ACTN4: variants seen among roughly 807,000 people sequenced by gnomAD.
ACTN4 encodes alpha-actinin-4.
A neutral mutation model predicts 114.2 loss-of-function variants in ACTN4; 18 were observed. That is an observed-to-expected ratio of 0.16 (90% CI 0.11 to 0.23). The LOEUF is 0.23. Among genes scored for constraint, ACTN4 ranks in the 10% least tolerant of loss-of-function variants. The pLI is 1.00. For synonymous variants in ACTN4, 515 were observed against 506.3 expected (o/e 1.02, Z -0.23); for missense variants, 722 against 1,262.9 (o/e 0.57, Z 6.49).
chr19:38,684,361 T>C lies in ACTN4; in HGVS notation c.163-16239T>C, dbSNP rs576657065. Among the ~76,000 whole-genome samples, 5 of 152,218 alleles carry C rather than the reference T, an allele frequency of 3.3e-5. No individual in the cohort carries two copies. The South Asian group carries it at 8.3e-4, about 25-fold the overall frequency. Reference sequence around the variant, plus strand: ...CCTCGGTCCTCTTCCCATGGTGTAGTGAGAGCACTCAGGACCACCTAGGCC... The same window carrying C: ...CCTCGGTCCTCTTCCCATGGTGTAGCGAGAGCACTCAGGACCACCTAGGCC... On this transcript the variant is annotated intron_variant, in intron 1 of 20. Transcript: ENST00000252699.
rs1235562832 is a variant in ACTN4 at position 38,730,820 on chromosome 19, C to T, written c.*1388C>T. 5.2e-6 allele frequency: 8 copies of T among 1,550,216 alleles called. No individual in the cohort carries two copies. The highest frequency in any genetic ancestry group is 2.4e-5 in the South Asian group (2 of 84,074). Reference sequence around the variant, plus strand: ...GAGGTGGTCTTGCTCAGCAACCCTGCCCTGAGCAGCAGGTGCGCCCATCCG... The same window carrying T: ...GAGGTGGTCTTGCTCAGCAACCCTGTCCTGAGCAGCAGGTGCGCCCATCCG... On this transcript the variant is annotated 3_prime_UTR_variant, in exon 21 of 21. Coordinates refer to ENST00000252699, the MANE Select transcript of ACTN4 (RefSeq NM_004924.6).
chr19:38,677,097 C>T (rs942522137), intron 1 of ACTN4, among the ~76,000 whole-genome samples: 4 of 152,120 alleles, frequency 2.6e-5, no homozygotes, highest in South Asian at 4.1e-4. Flanking sequence ...CGCCTCAGCT[C>T]GCCACCTACC....
intron 17 of ACTN4, 122 bp from the exon 18 acceptor site, chr19:38,726,835 G>A (rs1969248462): frequency 9.9e-6 from 14 of 1,407,818 alleles, no homozygotes; most frequent in African/African-American, 1.4e-5. Flanking sequence ...CCCCTGTGAG[G>A]TGTACAGGAG....
At chr19:38,667,830 T>C (rs533719168) in intron 1 of ACTN4, among the ~76,000 whole-genome samples, 1 of 152,342 alleles carries the variant, frequency 6.6e-6, no homozygotes, top group South Asian at 2.1e-4. Context: ...GGACAAGGTT[T>C]GTATCTTGTC....
intron 1 of ACTN4, among the ~76,000 whole-genome samples, chr19:38,660,605 A>G (rs1346065909): frequency 6.6e-6 from 1 of 152,104 alleles, no homozygotes; most frequent in East Asian, 1.9e-4. Context: ...CTTGTTGGTC[A>G]GGCTGGCCTT....
At chr19:38,707,677 C>A (rs931115270) in intron 5 of ACTN4, among the ~76,000 whole-genome samples, 34 of 152,200 alleles carry the variant, frequency 2.2e-4, no homozygotes, top group Admixed American at 1.6e-3. Context: ...CCACACAGCA[C>A]AAACACCAGC....
At chr19:38,708,878 C>T (rs1416496569) in intron 6 of ACTN4, among the ~76,000 whole-genome samples, 1 of 152,172 alleles carries the variant, frequency 6.6e-6, no homozygotes, top group Non-Finnish European at 1.5e-5. Flanking sequence ...CCGTTCCAGC[C>T]ACAGTGAGCA....
chr19:38,705,850 C>T (rs1968441761), intron 4 of ACTN4, among the ~76,000 whole-genome samples, 194 bp from the exon 5 acceptor site: 1 of 152,230 alleles, frequency 6.6e-6, no homozygotes. Context: ...GCAGTTGGGC[C>T]TGGCAGCATC....
chr19:38,723,556 C>A (rs1487918567), intron 12 of ACTN4, 58 bp from the exon 13 acceptor site: 1 of 1,324,550 alleles, frequency 7.5e-7, no homozygotes, highest in Non-Finnish European at 1.1e-6. Flanking sequence ...GTAGATGGGT[C>A]CAATCCATCT....
intron 1 of ACTN4, among the ~76,000 whole-genome samples, chr19:38,695,239 G>A (rs1174198092): frequency 1.3e-5 from 2 of 152,328 alleles, no homozygotes; most frequent in East Asian, 3.9e-4. Flanking sequence ...AGGGCTCCAA[G>A]TCAGTATTTG....
At chr19:38,667,782 T>C (rs1967009581) in intron 1 of ACTN4, among the ~76,000 whole-genome samples, 1 of 151,280 alleles carries the variant, frequency 6.6e-6, no homozygotes, top group South Asian at 2.1e-4. Flanking sequence ...AATCTTCCCA[T>C]GTGCCTCCAG....
intron 1 of ACTN4, among the ~76,000 whole-genome samples, chr19:38,685,784 T>G (rs1482641088): frequency 6.6e-6 from 1 of 151,988 alleles, no homozygotes; most frequent in Non-Finnish European, 1.5e-5. Context: ...TTCACTGGAA[T>G]AGGATGGCCC....
At chr19:38,692,903 C>T (rs558386877) in intron 1 of ACTN4, among the ~76,000 whole-genome samples, 1 of 152,250 alleles carries the variant, frequency 6.6e-6, no homozygotes, top group Non-Finnish European at 1.5e-5. Flanking sequence ...GCAACTGATG[C>T]CCCAGCGGAG....
At chr19:38,714,595 T>A in intron 9 of ACTN4, 34 bp downstream of exon 9, 1 of 1,599,570 alleles carries the variant, frequency 6.3e-7, no homozygotes, top group Non-Finnish European at 8.6e-7. Flanking sequence ...CAGGGCCACC[T>A]CATTATCCTC....
Position 38,729,294 on chromosome 19 carries a change from G to A in ACTN4, c.2598G>A (p.Glu866=). 1.2e-6 allele frequency: 2 copies of A among 1,612,892 alleles called. No homozygotes were observed. The highest frequency in any genetic ancestry group is 1.1e-5 in the South Asian group (1 of 91,084). The part of the protein sequence containing the change: ...AGDKNFITAE[E]LRRELPPDQA... Reference sequence around the variant, plus strand: ...CCCAGAACTTCATCACAGCTGAGGAGCTGCGGAGAGAGCTGCCCCCCGACC... The same window carrying A: ...CCCAGAACTTCATCACAGCTGAGGAACTGCGGAGAGAGCTGCCCCCCGACC... The change falls in exon 21 of 21, where the codon GAG becomes GAA. Residue 866 remains glutamate (E), a synonymous_variant. Coordinates refer to ENST00000252699, the MANE Select transcript of ACTN4 (RefSeq NM_004924.6).
chr19:38,682,565 C>T (rs994322976), intron 1 of ACTN4, among the ~76,000 whole-genome samples: 1 of 152,198 alleles, frequency 6.6e-6, no homozygotes, highest in Non-Finnish European at 1.5e-5. Flanking sequence ...TTTTAGTTCT[C>T]TCCAGCCTCA....
intron 1 of ACTN4, among the ~76,000 whole-genome samples, chr19:38,698,909 G>A (rs1378668597): frequency 6.6e-6 from 1 of 152,218 alleles, no homozygotes; most frequent in African/African-American, 2.4e-5. Flanking sequence ...GGCGACAGTT[G>A]TCAAAACACA....
At chr19:38,651,797 G>A (rs1421077019) in intron 1 of ACTN4, among the ~76,000 whole-genome samples, 2 of 151,836 alleles carry the variant, frequency 1.3e-5, no homozygotes, top group Non-Finnish European at 2.9e-5. Context: ...GTGCAGTGGT[G>A]TGATCTTGGC....
At chr19:38,684,139 C>G (rs1967665819) in intron 1 of ACTN4, 1 of 152,238 alleles carries the variant, frequency 6.6e-6, no homozygotes. Flanking sequence ...CATTCAGAGC[C>G]TTATCTGTAA....
Sources: allele counts gnomAD v4.1 joint callset (sites outside exome capture counted in the v4.1 genomes callset), GRCh38; gene constraint gnomAD v4.1.1; transcripts MANE v1.5; gene names NCBI Gene and HGNC (gene_info 2026-07-23, HGNC 2026-07-21).